The following SORCS1 variants were observed in gnomAD, a reference collection of about 807,000 sequenced individuals.
SORCS1 encodes the protein VPS10 domain-containing receptor SorCS1.
In SORCS1, 60 loss-of-function variants were observed where a neutral mutation model predicts 146.1. The ratio of observed to expected loss-of-function variants is 0.41; its 90% CI spans 0.33 to 0.51. SORCS1 has a LOEUF of 0.51. Ranked by LOEUF, SORCS1 falls within the 20% of genes least tolerant of loss-of-function variation. SORCS1 has a pLI of 0.21. For missense variants in SORCS1, 1,352 were observed against 1,487.6 expected (o/e 0.91, Z 1.50); for synonymous variants, 637 against 584.0 (o/e 1.09, Z -1.31).
chr10:107,102,366 G>A (rs572433376), intron 1 of SORCS1, among the ~76,000 whole-genome samples: 1 of 152,130 alleles, frequency 6.6e-6, no homozygotes, highest in African/African-American at 2.4e-5. Context: ...ACGACCTCTG[G>A]ATATAGGGAA....
At chr10:106,876,516 G>A (rs529035492) in intron 2 of SORCS1, among the ~76,000 whole-genome samples, 1 of 152,304 alleles carries the variant, frequency 6.6e-6, no homozygotes, top group Admixed American at 6.5e-5. Context: ...GGAGATTAAT[G>A]CCAGTCTGGT....
At chr10:106,796,006 AG>A (rs1946536354) in intron 3 of SORCS1, among the ~76,000 whole-genome samples, 1 of 152,226 alleles carries the variant, frequency 6.6e-6, no homozygotes, top group Non-Finnish European at 1.5e-5. Flanking sequence ...CATGCTAGTG[AG>A]GTTATGAACA....
intron 1 of SORCS1, among the ~76,000 whole-genome samples, chr10:107,073,188 C>G (rs1361280585): frequency 6.6e-6 from 1 of 152,282 alleles, no homozygotes; most frequent in East Asian, 1.9e-4. Flanking sequence ...GAGATGAGAT[C>G]AGCCAAGGTG....
chr10:107,118,926 AC>A (rs1172286293), intron 1 of SORCS1, among the ~76,000 whole-genome samples: 1 of 152,194 alleles, frequency 6.6e-6, no homozygotes, highest in Non-Finnish European at 1.5e-5. Context: ...AATCTCAAGA[AC>A]CAGCAATGCC....
Position 106,776,550 on chromosome 10 carries a change from T to G in SORCS1, c.869A>C (p.Tyr290Ser), listed in dbSNP as rs751690117. Residue 290 changes from tyrosine to serine, a missense_variant, in exon 4 of 26, where the codon TAC becomes TCC. Tyr to Ser is a moderately radical substitution (Grantham distance 144). This residue lies in a region of SORCS1 where 490 missense variants were observed against 489.1 expected (regional missense o/e 1.00). Coordinates refer to ENST00000263054, the MANE Select transcript of SORCS1 (RefSeq NM_052918.5). ...HPKQEDWILA[Y>S]SQDQKLYSSA... ...TATGCTCACCTTTTGGTCTTGACTG[T>G]ATGCCAGAATCCAGTCTTCTTGTTT... 3 of 1,614,048 alleles carry G rather than the reference T, an allele frequency of 1.9e-6. No homozygotes were observed. The highest frequency in any genetic ancestry group is 2.5e-6 in the Non-Finnish European group (3 of 1,179,914).
At chr10:106,681,538 T>G (rs1852432529) in intron 10 of SORCS1, among the ~76,000 whole-genome samples, 1 of 152,224 alleles carries the variant, frequency 6.6e-6, no homozygotes, top group African/African-American at 2.4e-5. Flanking sequence ...ATCACTTTAC[T>G]ATTTTACTCA....
chr10:107,013,957 G>T (rs1361637336), intron 1 of SORCS1, among the ~76,000 whole-genome samples: 1 of 151,992 alleles, frequency 6.6e-6, no homozygotes, highest in Non-Finnish European at 1.5e-5. Flanking sequence ...CCTTGGAGGG[G>T]GCTTAAAAAG....
At chr10:106,924,466 G>GATCT (rs35692327) in intron 2 of SORCS1, among the ~76,000 whole-genome samples, 11,872 of 130,506 alleles carry the variant, frequency 0.091, 657 homozygotes, top group African/African-American at 0.17. Context: ...CACAGTTATC[G>GATCT]ATCTATCTAT....
At position 106,867,316 on chromosome 10, in the gene SORCS1, G is replaced by A. The variant is rs148231644; in HGVS notation, c.627-37643C>T. 4.9e-3 allele frequency among the ~76,000 whole-genome samples: 738 copies of A among 149,854 alleles called. 8 individuals carry two copies. Among genetic ancestry groups the A allele is most frequent in the African/African-American group, 0.017 (695 of 40,656 alleles). ...TTTTTTTTTTTTGAAACGGAGTCTCGTTCTGTCGCCCACGCTGGAGTGCAG... is the reference window on the plus strand; with the variant it reads ...TTTTTTTTTTTTGAAACGGAGTCTCATTCTGTCGCCCACGCTGGAGTGCAG... On this transcript the variant is annotated intron_variant, in intron 2 of 25. Coordinates refer to ENST00000263054, the MANE Select transcript of SORCS1 (RefSeq NM_052918.5).
intron 1 of SORCS1, among the ~76,000 whole-genome samples, chr10:107,100,610 T>C (rs1447720337): frequency 1.3e-5 from 2 of 152,082 alleles, no homozygotes; most frequent in Non-Finnish European, 2.9e-5. Flanking sequence ...AGAGCAGGTA[T>C]TGAAAATCTC....
chr10:106,859,157 C>A (rs1949909302), intron 2 of SORCS1, among the ~76,000 whole-genome samples: 1 of 152,186 alleles, frequency 6.6e-6, no homozygotes, highest in South Asian at 2.1e-4. Flanking sequence ...ACATTCTACT[C>A]CACAGTTTTC....
At chr10:106,736,665 A>G (rs1231775466) in intron 5 of SORCS1, among the ~76,000 whole-genome samples, 1 of 127,768 alleles carries the variant, frequency 7.8e-6, no homozygotes, top group Admixed American at 8.1e-5. Context: ...TGAATAGATC[A>G]TCTTAGCCTG....
chr10:106,967,628 T>A (rs1955560083), intron 1 of SORCS1, among the ~76,000 whole-genome samples: 1 of 152,180 alleles, frequency 6.6e-6, no homozygotes, highest in East Asian at 1.9e-4. Flanking sequence ...CATGGTTGTC[T>A]CCAGAGCTGC....
At chr10:106,812,695 A>G (rs1947531470) in intron 3 of SORCS1, among the ~76,000 whole-genome samples, 1 of 152,220 alleles carries the variant, frequency 6.6e-6, no homozygotes, top group African/African-American at 2.4e-5. Flanking sequence ...AATGCAACAT[A>G]CATGTATGCA....
intron 1 of SORCS1, among the ~76,000 whole-genome samples, chr10:107,014,267 A>G (rs1439928605): frequency 2.0e-4 from 28 of 140,814 alleles, no homozygotes; most frequent in Admixed American, 8.1e-4. Context: ...AAAAAAAAAA[A>G]AAAAAGAAAA....
At chr10:106,630,543 T>G (rs142480461) in intron 18 of SORCS1, among the ~76,000 whole-genome samples, 2 of 152,332 alleles carry the variant, frequency 1.3e-5, no homozygotes, top group Non-Finnish European at 2.9e-5. Context: ...GCATGAATTC[T>G]CATGTGCCAT....
chr10:107,095,024 C>A (rs909743093), intron 1 of SORCS1, among the ~76,000 whole-genome samples: 1 of 152,160 alleles, frequency 6.6e-6, no homozygotes, highest in Non-Finnish European at 1.5e-5. Context: ...ATGCTGCTAA[C>A]AAGATGTAAA....
At chr10:107,171,252 A>G in the SORCS1 span, among the ~76,000 whole-genome samples, 2 of 152,182 alleles carry the variant, frequency 1.3e-5, no homozygotes, top group East Asian at 3.9e-4. Context: ...CCCAGCAGAT[A>G]TAAAAAGAAG....
At chr10:106,930,750 T>A (rs1242000572) in intron 2 of SORCS1, among the ~76,000 whole-genome samples, 1 of 152,150 alleles carries the variant, frequency 6.6e-6, no homozygotes, top group Non-Finnish European at 1.5e-5. Context: ...TTTAATAATA[T>A]GGTTAGTCAG....
Sources: gnomAD v4.1 joint callset for allele counts (sites outside exome capture counted in the v4.1 genomes callset) on GRCh38, gnomAD v4.1.1 for gene constraint, gnomAD v4.1.1 regional missense constraint, MANE v1.5 for transcripts, NCBI Gene and HGNC (gene_info 2026-07-23, HGNC 2026-07-21) for gene names.